Variants in TBC1D22A observed in about 807,000 individuals in gnomAD.
TBC1D22A encodes putative GTPase activator.
A neutral mutation model predicts 60.2 loss-of-function variants in TBC1D22A; 38 were observed. That is an observed-to-expected ratio of 0.63 (90% CI 0.49 to 0.83). The LOEUF (loss-of-function observed/expected upper bound fraction) is 0.83. Ranked by LOEUF, TBC1D22A falls within the 40% of genes least tolerant of loss-of-function variation. The pLI is 0.00. For missense variants in TBC1D22A, 628 were observed against 701.0 expected (o/e 0.90, Z 1.18); for synonymous variants, 302 against 281.7 (o/e 1.07, Z -0.72).
intron 12 of TBC1D22A, among the ~76,000 whole-genome samples, chr22:47,126,187 G>T (rs1236986430): frequency 6.6e-6 from 1 of 152,166 alleles, no homozygotes; most frequent in Non-Finnish European, 1.5e-5. Context: ...TCACCATGTT[G>T]GCCAGGCTAG....
chr22:47,108,307 T>G (rs2065713443), intron 11 of TBC1D22A, among the ~76,000 whole-genome samples: 3 of 152,152 alleles, frequency 2.0e-5, no homozygotes, highest in Non-Finnish European at 4.4e-5. Context: ...ATTCAGTCCA[T>G]CAACAGATGA....
At position 46,828,227 on chromosome 22, in the gene TBC1D22A, TTC is replaced by T. The variant is rs1271478115; in HGVS notation, c.637+30610_637+30611del. Among the ~76,000 whole-genome samples, 5 of 152,318 alleles carry T rather than the reference TTC, an allele frequency of 3.3e-5. No individual in the cohort carries two copies. In the East Asian group the frequency reaches 9.6e-4, roughly 29 times the overall value. On this transcript the variant is annotated intron_variant, in intron 4 of 12. Coordinates refer to ENST00000337137, the MANE Select transcript of TBC1D22A (RefSeq NM_014346.5). ...GTGGGATACATTTGCTCAGCATGAT[TTC>T]TCACCCACGGATTAATAAATATATG... is the stretch of plus-strand genomic sequence containing the variant.
chr22:47,008,785 C>G (rs1026003413), intron 10 of TBC1D22A, among the ~76,000 whole-genome samples: 6 of 152,130 alleles, frequency 3.9e-5, no homozygotes, highest in African/African-American at 1.2e-4. Context: ...GTCCCTTCTT[C>G]CAGGTAGAGC....
intron 12 of TBC1D22A, among the ~76,000 whole-genome samples, chr22:47,131,050 G>C (rs898138109): frequency 3.3e-5 from 5 of 152,132 alleles, no homozygotes; most frequent in African/African-American, 1.2e-4. Flanking sequence ...GAGGGGAGGG[G>C]TGCCACGCTC....
At chr22:46,933,676 C>T (rs1259650960) in intron 8 of TBC1D22A, among the ~76,000 whole-genome samples, 2 of 152,254 alleles carry the variant, frequency 1.3e-5, no homozygotes, top group East Asian at 1.9e-4. Flanking sequence ...GCAGCCTCTG[C>T]ACTCAGATGC....
intron 12 of TBC1D22A, among the ~76,000 whole-genome samples, chr22:47,136,874 C>T (rs977019001): frequency 1.3e-5 from 2 of 152,058 alleles, no homozygotes; most frequent in African/African-American, 4.8e-5. Flanking sequence ...TGTACTCGCC[C>T]CCTCTCCAGA....
intron 11 of TBC1D22A, among the ~76,000 whole-genome samples, chr22:47,078,920 G>A (rs922495919): frequency 6.6e-6 from 1 of 152,104 alleles, no homozygotes; most frequent in African/African-American, 2.4e-5. Context: ...GACGTGGACC[G>A]ATTCCATCAG....
chr22:46,845,832 G>A (rs1254711280), intron 4 of TBC1D22A, among the ~76,000 whole-genome samples: 1 of 152,188 alleles, frequency 6.6e-6, no homozygotes, highest in Non-Finnish European at 1.5e-5. Context: ...TTGCAAGCTG[G>A]GGACTTCAGA....
At chr22:46,961,950 G>T (rs1472449691) in intron 8 of TBC1D22A, among the ~76,000 whole-genome samples, 1 of 152,236 alleles carries the variant, frequency 6.6e-6, no homozygotes, top group Non-Finnish European at 1.5e-5. Flanking sequence ...GAGTTGGATT[G>T]TTTGGTTTCC....
At chr22:46,805,467 A>T (rs1286948123) in intron 4 of TBC1D22A, among the ~76,000 whole-genome samples, 1 of 152,234 alleles carries the variant, frequency 6.6e-6, no homozygotes, top group East Asian at 1.9e-4. Context: ...TGGCTCAGTG[A>T]TGTCCTCAGG....
At chr22:47,137,514 AG>A (rs1197307193) in intron 12 of TBC1D22A, among the ~76,000 whole-genome samples, 7 of 152,040 alleles carry the variant, frequency 4.6e-5, no homozygotes, top group Non-Finnish European at 2.9e-5. Context: ...CAGCTTTCCT[AG>A]GTCTCCCTGA....
intron 11 of TBC1D22A, among the ~76,000 whole-genome samples, chr22:47,043,526 G>C (rs1603139401): frequency 6.6e-6 from 1 of 152,230 alleles, no homozygotes; most frequent in African/African-American, 2.4e-5. Context: ...TCGCAGCCCA[G>C]CTGGTGGCCA....
At chr22:46,930,405 G>C (rs2147886500) in intron 8 of TBC1D22A, among the ~76,000 whole-genome samples, 1 of 152,222 alleles carries the variant, frequency 6.6e-6, no homozygotes, top group Non-Finnish European at 1.5e-5. Flanking sequence ...AGTAGGACTT[G>C]GGAACTCTGA....
chr22:46,871,115 A>G (rs937969354), intron 4 of TBC1D22A, among the ~76,000 whole-genome samples: 1 of 152,250 alleles, frequency 6.6e-6, no homozygotes, highest in African/African-American at 2.4e-5. Context: ...AAAGAGTTGT[A>G]TTAGAGACAA....
chr22:46,841,096 G>GAA (rs1360325345), intron 4 of TBC1D22A, among the ~76,000 whole-genome samples: 3 of 151,984 alleles, frequency 2.0e-5, no homozygotes, highest in Non-Finnish European at 2.9e-5. Flanking sequence ...GAGAGAAAGA[G>GAA]AGAGAGAGAA....
intron 4 of TBC1D22A, among the ~76,000 whole-genome samples, chr22:46,862,322 A>G (rs1411940989): frequency 2.0e-5 from 3 of 151,910 alleles, no homozygotes; most frequent in African/African-American, 7.3e-5. Context: ...TGTGAAGTCA[A>G]CAGTGGCCCA....
chr22:47,018,268 G>A (rs771055316), intron 10 of TBC1D22A, among the ~76,000 whole-genome samples: 7 of 152,238 alleles, frequency 4.6e-5, no homozygotes, highest in Non-Finnish European at 7.3e-5. Context: ...GAGTTTCTGC[G>A]TGTTCTGCTG....
Position 46,777,718 on chromosome 22 carries a change from A to C in TBC1D22A, c.63-14802A>C, listed in dbSNP as rs1244778301. On this transcript the variant is annotated intron_variant, in intron 1 of 12. Coordinates refer to ENST00000337137, the MANE Select transcript of TBC1D22A (RefSeq NM_014346.5). This position sits in a 1 kb window ranked among gnomAD's most constrained non-coding sequence, Gnocchi z 4.5. The stretch of plus-strand genomic sequence containing the variant: ...AGCTGGGCAGGGCCAGGATTGAGTG[A>C]GAAGCAGCAAGAAGGAGAGAGGGGA... Among the ~76,000 whole-genome samples, 2 of 152,250 alleles carry C rather than the reference A, an allele frequency of 1.3e-5. No individual in the cohort carries two copies. The highest frequency in any genetic ancestry group is 3.9e-4 in the East Asian group (2 of 5,174).
At chr22:46,776,221 C>T (rs374848777) in intron 1 of TBC1D22A, among the ~76,000 whole-genome samples, 86 of 152,240 alleles carry the variant, frequency 5.6e-4, no homozygotes, top group African/African-American at 2.0e-3. Context: ...TGGGACAAGG[C>T]CTTCTTGGCA....
Sources: allele counts gnomAD v4.1 joint callset (sites outside exome capture counted in the v4.1 genomes callset), GRCh38; gene constraint gnomAD v4.1.1; non-coding constraint Gnocchi (gnomAD v3.1); transcripts MANE v1.5; gene names NCBI Gene and HGNC (gene_info 2026-07-23, HGNC 2026-07-21).